The following ZFPM2 variants were observed in gnomAD, a reference collection of about 807,000 sequenced individuals.
ZFPM2 encodes zinc finger protein ZFPM2.
A neutral mutation model predicts 98.6 loss-of-function variants in ZFPM2; 20 were observed. The observed-to-expected ratio is 0.20, with a 90% CI of 0.14 to 0.29. The LOEUF is 0.29. Ranked by LOEUF, ZFPM2 falls within the 10% of genes least tolerant of loss-of-function variation. ZFPM2 has a pLI of 1.00. For missense variants in ZFPM2, 1,310 were observed against 1,388.6 expected, an observed-to-expected ratio of 0.94 and a Z score of 0.90; for synonymous variants, 518 against 502.7, an observed-to-expected ratio of 1.03 and a Z score of -0.41.
intron 4 of ZFPM2, among the ~76,000 whole-genome samples, chr8:105,588,275 G>C (rs1815768081): frequency 6.6e-6 from 1 of 152,122 alleles, no homozygotes; most frequent in Non-Finnish European, 1.5e-5. Context: ...AGGCAACTCA[G>C]TCTCTGATGC....
At chr8:105,642,721 C>T (rs1219531432) in intron 5 of ZFPM2, among the ~76,000 whole-genome samples, 2 of 152,208 alleles carry the variant, frequency 1.3e-5, no homozygotes, top group Non-Finnish European at 2.9e-5. Flanking sequence ...GAGACACCCC[C>T]CAGCTTAAGA....
intron 1 of ZFPM2, among the ~76,000 whole-genome samples, chr8:105,396,662 T>G (rs1811225685): frequency 6.6e-6 from 1 of 152,346 alleles, no homozygotes; most frequent in South Asian, 2.1e-4. Flanking sequence ...CGTTAGTGCA[T>G]GTTTATCATG....
At chr8:105,769,163 A>G (rs1197476507) in intron 5 of ZFPM2, among the ~76,000 whole-genome samples, 1 of 151,966 alleles carries the variant, frequency 6.6e-6, no homozygotes, top group African/African-American at 2.4e-5. Flanking sequence ...TTTACTGTCT[A>G]TCCTCCAAAA....
At position 105,762,781 on chromosome 8, in the gene ZFPM2, A is replaced by G. The variant is rs189931791; in HGVS notation, c.533-25937A>G. ...ACCACTTAGCCAGATTTTGGATATA[A>G]ACAAATCCAGACTCAATGGCACAGT... On this transcript the variant is annotated intron_variant, in intron 5 of 7. Transcript: ENST00000407775. Among the ~76,000 whole-genome samples, 3 of 152,052 alleles carry G rather than the reference A, an allele frequency of 2.0e-5. No individual in the cohort carries two copies. The Admixed American group carries it at 2.0e-4, about 10-fold the overall frequency.
chr8:105,591,260 GCAA>G (rs910350069), intron 4 of ZFPM2, among the ~76,000 whole-genome samples: 14 of 149,048 alleles, frequency 9.4e-5, no homozygotes, highest in African/African-American at 3.2e-4. Flanking sequence ...AAAAAAAAAA[GCAA>G]CAACAACAAC....
chr8:105,623,464 A>G (rs981909095), intron 4 of ZFPM2, among the ~76,000 whole-genome samples: 3 of 152,208 alleles, frequency 2.0e-5, no homozygotes, highest in Non-Finnish European at 4.4e-5. Context: ...ACAACATATA[A>G]TTAAAAGAAA....
rs532018421 is a variant in ZFPM2, at chr8:105,521,231, C to T, written c.302-40132C>T. ...TGATCCAGAAAACAGGAAAGAGGGCCATCAGTAAATCTAGAAACTGTGAGC... is the reference window on the plus strand; with the variant it reads ...TGATCCAGAAAACAGGAAAGAGGGCTATCAGTAAATCTAGAAACTGTGAGC... On this transcript the variant is annotated intron_variant, in intron 3 of 7. Coordinates refer to ENST00000407775, the MANE Select transcript of ZFPM2 (RefSeq NM_012082.4). Among the ~76,000 whole-genome samples, 7 of 151,916 alleles carry T rather than the reference C, an allele frequency of 4.6e-5. No individual in the cohort carries two copies. In the East Asian group the frequency reaches 9.7e-4, roughly 21 times the overall value.
At chr8:105,653,717 C>G (rs761898049) in intron 5 of ZFPM2, among the ~76,000 whole-genome samples, 1 of 152,088 alleles carries the variant, frequency 6.6e-6, no homozygotes, top group Non-Finnish European at 1.5e-5. Context: ...TGTAATGACT[C>G]TCTGGCAGAG....
chr8:105,646,667 G>T (rs1817054152), intron 5 of ZFPM2, among the ~76,000 whole-genome samples: 1 of 152,030 alleles, frequency 6.6e-6, no homozygotes, highest in African/African-American at 2.4e-5. Flanking sequence ...TGGTAATGAG[G>T]TCCCCAAATA....
intron 3 of ZFPM2, among the ~76,000 whole-genome samples, chr8:105,448,326 T>C (rs1461664417): frequency 6.6e-6 from 1 of 152,072 alleles, no homozygotes; most frequent in Admixed American, 6.6e-5. Flanking sequence ...CTGTCTTCTT[T>C]TTAGTAAACA....
intron 7 of ZFPM2, among the ~76,000 whole-genome samples, chr8:105,799,831 T>C (rs1469822052): frequency 6.6e-6 from 1 of 152,166 alleles, no homozygotes; most frequent in Non-Finnish European, 1.5e-5. Context: ...TTTGCCTAGA[T>C]TAAATAATTT....
At chr8:105,562,247 C>A (rs1221537242) in intron 4 of ZFPM2, among the ~76,000 whole-genome samples, 2 of 151,934 alleles carry the variant, frequency 1.3e-5, no homozygotes, top group Admixed American at 1.3e-4. Flanking sequence ...AAGGCAGAGT[C>A]TGCAGTGATC....
At chr8:105,434,975 T>TA (rs1240287465) in intron 2 of ZFPM2, among the ~76,000 whole-genome samples, 1 of 152,220 alleles carries the variant, frequency 6.6e-6, no homozygotes, top group African/African-American at 2.4e-5. Flanking sequence ...TTGTGGTTTT[T>TA]AAATTATTTT....
At chr8:105,417,748 G>A (rs1032070063) in intron 1 of ZFPM2, among the ~76,000 whole-genome samples, 3 of 152,090 alleles carry the variant, frequency 2.0e-5, no homozygotes, top group Non-Finnish European at 4.4e-5. Context: ...AATGTGGTTG[G>A]TGCAAAAACA....
intron 2 of ZFPM2, among the ~76,000 whole-genome samples, chr8:105,421,051 G>T (rs1187943480): frequency 6.6e-6 from 1 of 151,980 alleles, no homozygotes; most frequent in Non-Finnish European, 1.5e-5. Context: ...AAGTTTTAAG[G>T]TAGTAATTTC....
At chr8:105,472,511 T>C (rs1374231195) in intron 3 of ZFPM2, among the ~76,000 whole-genome samples, 2 of 152,156 alleles carry the variant, frequency 1.3e-5, no homozygotes, top group Non-Finnish European at 2.9e-5. Flanking sequence ...TGTTTTGTTT[T>C]GTGTTTTTTG....
intron 4 of ZFPM2, among the ~76,000 whole-genome samples, chr8:105,583,272 C>A (rs1238382210): frequency 2.6e-5 from 4 of 151,872 alleles, no homozygotes; most frequent in Admixed American, 2.6e-4. Flanking sequence ...ATATTTTGTT[C>A]TATATATTTT....
intron 3 of ZFPM2, among the ~76,000 whole-genome samples, chr8:105,535,156 A>AT (rs1380374939): frequency 6.6e-5 from 10 of 152,204 alleles, no homozygotes; most frequent in Admixed American, 6.6e-4. Flanking sequence ...CATTAAATAA[A>AT]TAACTACTTT....
intron 3 of ZFPM2, among the ~76,000 whole-genome samples, chr8:105,467,133 C>T (rs1812810294): frequency 1.3e-5 from 2 of 152,024 alleles, no homozygotes; most frequent in South Asian, 4.1e-4. Flanking sequence ...CTGCCCCTCA[C>T]CTCTTAACAT....
Sources: gnomAD v4.1 joint callset for allele counts (sites outside exome capture counted in the v4.1 genomes callset) on GRCh38, gnomAD v4.1.1 for gene constraint, MANE v1.5 for transcripts, NCBI Gene and HGNC (gene_info 2026-07-23, HGNC 2026-07-21) for gene names.